CEP192: variants seen among roughly 807,000 people sequenced by gnomAD.
The protein encoded by CEP192 is centrosomal protein of 192 kDa.
In CEP192, 151 loss-of-function variants were observed where a neutral mutation model predicts 271.8. The ratio of observed to expected loss-of-function variants is 0.56; its 90% CI spans 0.49 to 0.64. The LOEUF (loss-of-function observed/expected upper bound fraction) is 0.64. Among genes scored for constraint, CEP192 ranks in the 30% least tolerant of loss-of-function variants. The probability of loss-of-function intolerance (pLI) is 0.00; values close to 1 mark genes in which losing one functional copy is unlikely to be tolerated. For synonymous variants in CEP192, 995 were observed against 1,076.5 expected, an observed-to-expected ratio of 0.92 and a Z score of 1.48; for missense variants, 2,910 against 3,020.5, an observed-to-expected ratio of 0.96 and a Z score of 0.86.
intron 30 of CEP192, among the ~76,000 whole-genome samples, chr18:13,078,362 T>C (rs1279040285): frequency 6.6e-6 from 1 of 152,222 alleles, no homozygotes; most frequent in Non-Finnish European, 1.5e-5. Flanking sequence ...TTCCAAGTCT[T>C]TGCTATTGTG....
chr18:12,995,559 A>G (rs760354568), intron 1 of CEP192, among the ~76,000 whole-genome samples: 1 of 152,206 alleles, frequency 6.6e-6, no homozygotes, highest in Non-Finnish European at 1.5e-5. Flanking sequence ...TCGTGCCAGC[A>G]CTGTTCTAGC....
chr18:13,021,872 A>C (rs2035016147), intron 9 of CEP192, among the ~76,000 whole-genome samples: 1 of 152,160 alleles, frequency 6.6e-6, no homozygotes, highest in Non-Finnish European at 1.5e-5. Flanking sequence ...GCTATTGTAA[A>C]TGGAATTGCT....
intron 30 of CEP192, among the ~76,000 whole-genome samples, chr18:13,080,114 T>G (rs1057332196): frequency 3.9e-5 from 6 of 152,230 alleles, no homozygotes; most frequent in African/African-American, 1.4e-4. Context: ...GTCTTGGCAG[T>G]GCAGTCTCTT....
chr18:12,993,632 C>T (rs968026964), intron 1 of CEP192, among the ~76,000 whole-genome samples: 1 of 152,146 alleles, frequency 6.6e-6, no homozygotes, highest in Non-Finnish European at 1.5e-5. Flanking sequence ...CCAAGGCATG[C>T]ACCACCAGGA....
chr18:13,056,708 T>C lies in CEP192; in HGVS notation c.4108+10T>C. 1 of 1,550,574 alleles carries C rather than the reference T, an allele frequency of 6.4e-7. No homozygotes were observed. Among genetic ancestry groups the C allele is most frequent in the Non-Finnish European group, 8.7e-7 (1 of 1,149,720 alleles). On this transcript the variant is annotated intron_variant, in intron 19 of 44. Coordinates refer to ENST00000506447, the MANE Select transcript of CEP192 (RefSeq NM_032142.4). ...GTGACATCAGGATTGGGTAAGATGC[T>C]TTTTCTCTATTATTATTACTTGCTA...
chr18:13,017,887 T>C (rs533034604), intron 7 of CEP192, among the ~76,000 whole-genome samples: 2 of 152,312 alleles, frequency 1.3e-5, no homozygotes, highest in East Asian at 3.9e-4. Context: ...TCCTGTCTCT[T>C]TATTCTCTTT....
intron 30 of CEP192, among the ~76,000 whole-genome samples, chr18:13,081,599 T>C (rs1214732680): frequency 6.6e-6 from 1 of 152,184 alleles, no homozygotes; most frequent in African/African-American, 2.4e-5. Flanking sequence ...CCTGGATTCA[T>C]TGATTTTTTT....
At chr18:13,010,630 T>G (rs1251993368) in intron 4 of CEP192, among the ~76,000 whole-genome samples, 1 of 152,194 alleles carries the variant, frequency 6.6e-6, no homozygotes, top group African/African-American at 2.4e-5. Flanking sequence ...GCGGATCACC[T>G]GAGTCTGGGA....
intron 43 of CEP192, 61 bp from the exon 44 acceptor site, chr18:13,117,524 T>C: frequency 8.1e-7 from 1 of 1,227,886 alleles, no homozygotes; most frequent in Non-Finnish European, 1.2e-6. Flanking sequence ...CTTGGTATGC[T>C]TATATATGCT....
rs1249397970 is a variant in CEP192, at chr18:13,052,835, G to T, written c.3018-84G>T. ...TTGTGGTTGAGTCATTTGCAAGATT[G>T]TAGGCCCATAGGAATGGTTTTTTGC... On this transcript the variant is annotated intron_variant, in intron 17 of 44. Coordinates refer to ENST00000506447, the MANE Select transcript of CEP192 (RefSeq NM_032142.4). 1.5e-5 allele frequency: 15 copies of T among 1,019,756 alleles called. No individual in the cohort carries two copies. The East Asian group carries it at 3.8e-4, about 26-fold the overall frequency. The allele number at this position is 1,019,756 out of a possible 1,614,324, so 63.2% of individuals were successfully genotyped here. A position where few individuals can be genotyped will look rare whatever the true frequency, so the allele number is the denominator to read the frequency against.
At position 13,019,101 on chromosome 18, in the gene CEP192, A is replaced by G; in HGVS notation, c.945A>G (p.Gly315=). The G allele has an allele frequency of 1.9e-6, 3 of 1,539,266 alleles. No individual in the cohort carries two copies. Among genetic ancestry groups the G allele is most frequent in the Non-Finnish European group, 2.6e-6 (3 of 1,142,534 alleles). Residue 315 remains glycine (G), a synonymous_variant, in exon 9 of 45, where the codon GGA becomes GGG. Coordinates refer to ENST00000506447, the MANE Select transcript of CEP192 (RefSeq NM_032142.4). ...TTTCAGGTAATTCTATAGGTACTGG[A>G]GATAGTAGAAGGTACACAGATGGTA... ...LPGTSNSIGT[G]DSRRYTDGML... is the part of the protein sequence containing the mutation.
At position 13,065,945 on chromosome 18, in the gene CEP192, A is replaced by G. The variant is rs147265073; in HGVS notation, c.4489-1886A>G. 2.2e-3 allele frequency among the ~76,000 whole-genome samples: 335 copies of G among 152,332 alleles called. 3 individuals carry two copies. The highest frequency in any genetic ancestry group is 1.7e-3 in the Non-Finnish European group (116 of 68,026). On this transcript the variant is annotated intron_variant, in intron 21 of 44. Transcript: ENST00000506447. ...TTTTATGTTAACTCGACGTCCTTGAATGGCCTAGTTAGTAAACTAGTCACT... is the reference window on the plus strand; with the variant it reads ...TTTTATGTTAACTCGACGTCCTTGAGTGGCCTAGTTAGTAAACTAGTCACT...
intron 3 of CEP192, among the ~76,000 whole-genome samples, chr18:13,005,699 C>T (rs1478654775): frequency 6.6e-6 from 1 of 152,136 alleles, no homozygotes; most frequent in African/African-American, 2.4e-5. Context: ...ATAGGGCTTC[C>T]TTGGACACTA....
In CEP192 at chr18:12,999,987, G is replaced by A. The variant is rs76714868; in HGVS notation, c.164+399G>A. Reference sequence around the variant, plus strand: ...TTGACATCAAGGGGAGGAGTGCAGAGCTTTGCTGCAAGAAGGGACAGGAAT... The same window carrying A: ...TTGACATCAAGGGGAGGAGTGCAGAACTTTGCTGCAAGAAGGGACAGGAAT... On this transcript the variant is annotated intron_variant, in intron 2 of 44. Transcript: ENST00000506447. 1.2e-3 allele frequency among the ~76,000 whole-genome samples: 187 copies of A among 151,226 alleles called. 6 individuals are homozygous for A. The East Asian group carries it at 0.034, about 27-fold the overall frequency.
At chr18:13,062,041 G>A (rs1451791585) in intron 21 of CEP192, among the ~76,000 whole-genome samples, 2 of 152,148 alleles carry the variant, frequency 1.3e-5, no homozygotes, top group African/African-American at 4.8e-5. Flanking sequence ...TGTCCCGAGC[G>A]GCTCACATAT....
intron 18 of CEP192, 42 bp from the exon 19 acceptor site, chr18:13,055,738 G>C: frequency 3.1e-6 from 4 of 1,303,520 alleles, no homozygotes; most frequent in Non-Finnish European, 4.2e-6. Context: ...GTTATATTAA[G>C]TTTATCTGTG....
intron 21 of CEP192, among the ~76,000 whole-genome samples, chr18:13,066,304 G>A (rs545793043): frequency 6.6e-6 from 1 of 152,178 alleles, no homozygotes; most frequent in South Asian, 2.1e-4. Flanking sequence ...CTTTGTTACG[G>A]ACTCTGTTAT....
At chr18:13,005,071 T>C (rs999141280) in intron 3 of CEP192, among the ~76,000 whole-genome samples, 1 of 151,888 alleles carries the variant, frequency 6.6e-6, no homozygotes, top group Non-Finnish European at 1.5e-5. Context: ...GCTGTGAGGC[T>C]CTAGGGAGAG....
chr18:13,034,814 G>A (rs543348637), intron 11 of CEP192, among the ~76,000 whole-genome samples: 3 of 114,430 alleles, frequency 2.6e-5, no homozygotes, highest in African/African-American at 1.1e-4. Context: ...GCAAAACTCT[G>A]TCTCATAAAA....
Sources: allele counts gnomAD v4.1 joint callset (sites outside exome capture counted in the v4.1 genomes callset), GRCh38; gene constraint gnomAD v4.1.1; transcripts MANE v1.5; gene names NCBI Gene and HGNC (gene_info 2026-07-23, HGNC 2026-07-21).